Variants in CAND2 observed in about 807,000 individuals in gnomAD.
CAND2 encodes cullin associated and neddylation dissociated 2 (putative).
A neutral mutation model predicts 98.9 loss-of-function variants in CAND2; 62 were observed. That is an observed-to-expected ratio of 0.63 (90% CI 0.51 to 0.77). The LOEUF is 0.77. Among genes scored for constraint, CAND2 ranks in the 30% least tolerant of loss-of-function variants. The probability of loss-of-function intolerance (pLI) is 0.00; values close to 1 mark genes in which losing one functional copy is unlikely to be tolerated. For synonymous variants in CAND2, 770 were observed against 731.9 expected (o/e 1.05, Z -0.84); for missense variants, 1,501 against 1,655.2 (o/e 0.91, Z 1.62).
intron 14 of CAND2, 48 bp downstream of exon 14, chr3:12,831,620 G>C: frequency 1.6e-6 from 2 of 1,288,924 alleles, no homozygotes; most frequent in Non-Finnish European, 2.2e-6. Flanking sequence ...CACCTATGGA[G>C]TCCTCGGCCA....
rs759048156 is a variant in CAND2, at chr3:12,817,069, C to T, written c.2137C>T (p.Leu713=). 1 of 1,612,978 alleles carries T rather than the reference C, an allele frequency of 6.2e-7. No homozygotes were observed. The highest frequency in any genetic ancestry group is 2.2e-5 in the East Asian group (1 of 44,872). Residue 713 remains leucine, a synonymous_variant, in exon 10 of 15, where the codon CTG becomes TTG. Coordinates refer to ENST00000456430, the MANE Select transcript of CAND2 (RefSeq NM_001162499.2). ...CGAGAGCGACATGCATGTGGCCCAG[C>T]TGGCTGTGGACTTCCTTGCCACAGT... The part of the protein sequence containing the change: ...VNESDMHVAQ[L]AVDFLATVTQ...
At position 12,815,322 on chromosome 3, in the gene CAND2, C is replaced by G. The variant is rs753034201; in HGVS notation, c.1188C>G (p.Val396=). ...GCGAGGAGAACGTCAAGGCTGACGT[C>G]TTCACTGCTTACATCGTGCTGCTGC... ...KEREENVKAD[V]FTAYIVLLRQ... is the part of the protein sequence containing the mutation. The change falls in exon 8 of 15, where the codon GTC becomes GTG. Residue 396 remains valine (V), a synonymous_variant. Transcript: ENST00000456430. The surrounding 1 kb of genome is among the most constrained non-coding windows in gnomAD (Gnocchi z 5.7). 1 of 1,614,014 alleles carries G rather than the reference C, an allele frequency of 6.2e-7. No individual in the cohort carries two copies. The highest frequency in any genetic ancestry group is 1.1e-5 in the South Asian group (1 of 91,090).
intron 5 of CAND2, among the ~76,000 whole-genome samples, chr3:12,810,734 A>G (rs1430576190): frequency 6.6e-6 from 1 of 152,238 alleles, no homozygotes. Flanking sequence ...CAGTTTGACA[A>G]AGATATCTTA....
chr3:12,812,940 A>G (rs376875751), intron 5 of CAND2, 50 bp from the exon 6 acceptor site: 75 of 1,182,100 alleles, frequency 6.3e-5, no homozygotes, highest in Non-Finnish European at 8.2e-5. Context: ...GGCTGGGGGA[A>G]CTCCGGGAGA....
chr3:12,831,674 ATGT>A (rs1367097527), intron 14 of CAND2, 102 bp downstream of exon 14: 28 of 677,998 alleles, frequency 4.1e-5, no homozygotes, highest in African/African-American at 1.5e-4. Flanking sequence ...AGTGCAGGTG[ATGT>A]TGTGAAAGTG....
chr3:12,816,368 C>A lies in CAND2; in HGVS notation c.1442-6C>A. The A allele has an allele frequency of 6.2e-7, 1 of 1,605,136 alleles. No homozygotes were observed. Among genetic ancestry groups the A allele is most frequent in the South Asian group, 1.1e-5 (1 of 89,016 alleles). On this transcript the variant is annotated splice_polypyrimidine_tract_variant and splice_region_variant and intron_variant, in intron 9 of 14. Coordinates refer to ENST00000456430, the MANE Select transcript of CAND2 (RefSeq NM_001162499.2). The stretch of plus-strand genomic sequence containing the variant: ...TGGCCTCATAACCTTTGCATTCACC[C>A]TGCAGGCATCATCTTCTCGCTGGCC...
At chr3:12,806,406 A>C (rs1404373557) in intron 2 of CAND2, among the ~76,000 whole-genome samples, 1 of 152,176 alleles carries the variant, frequency 6.6e-6, no homozygotes, top group Admixed American at 6.5e-5. Context: ...GATTCAGGGG[A>C]TGGAGCAGGA....
chr3:12,815,687 T>G lies in CAND2; in HGVS notation c.1300-180T>G, dbSNP rs1412515691. 2.0e-5 allele frequency among the ~76,000 whole-genome samples: 3 copies of G among 152,082 alleles called. No individual in the cohort carries two copies. In the East Asian group the frequency reaches 5.8e-4, roughly 29 times the overall value. On this transcript the variant is annotated intron_variant, in intron 8 of 14. Transcript: ENST00000456430. This position sits in a 1 kb window ranked among gnomAD's most constrained non-coding sequence, Gnocchi z 5.7. ...AAATGGACGCAGAAAATTTGCCTACTCTCCAAGGGTCTGTGTGCGGTCACC... is the reference window on the plus strand; with the variant it reads ...AAATGGACGCAGAAAATTTGCCTACGCTCCAAGGGTCTGTGTGCGGTCACC...
In CAND2 at chr3:12,815,461, C is replaced by A; in HGVS notation, c.1299+28C>A. 6.3e-7 allele frequency: 1 copy of A among 1,583,818 alleles called. No homozygotes were observed. The highest frequency in any genetic ancestry group is 8.6e-7 in the Non-Finnish European group (1 of 1,160,764). ...GGGCGTGCCTTCACCTCCACCCCTACCCCCGATTTGCCTACCCAGCCACTC... is the reference window on the plus strand; with the variant it reads ...GGGCGTGCCTTCACCTCCACCCCTAACCCCGATTTGCCTACCCAGCCACTC... On this transcript the variant is annotated intron_variant, in intron 8 of 14. Transcript: ENST00000456430. The surrounding 1 kb of genome is among the most constrained non-coding windows in gnomAD (Gnocchi z 5.7).
intron 1 of CAND2, among the ~76,000 whole-genome samples, chr3:12,800,372 G>T (rs1390009584): frequency 2.6e-5 from 4 of 152,240 alleles, no homozygotes. Context: ...GATAGATTTT[G>T]CCACAGGAGG....
intron 13 of CAND2, among the ~76,000 whole-genome samples, chr3:12,830,317 C>T (rs573258393): frequency 9.2e-5 from 14 of 152,276 alleles, no homozygotes; most frequent in African/African-American, 2.6e-4. Context: ...AATGATGGGG[C>T]GCACAAAGCT....
At chr3:12,833,219 G>A (rs1297977975) in intron 14 of CAND2, among the ~76,000 whole-genome samples, 1 of 152,208 alleles carries the variant, frequency 6.6e-6, no homozygotes, top group Admixed American at 6.5e-5. Context: ...CTAGGTAGGA[G>A]ATGGTGGGGG....
In CAND2 at chr3:12,803,701, T is replaced by A. The variant is rs2061784023; in HGVS notation, c.212+70T>A. 4 of 1,444,888 alleles carry A rather than the reference T, an allele frequency of 2.8e-6. No homozygotes were observed. The South Asian group carries it at 5.6e-5, about 20-fold the overall frequency. The allele number at this position is 1,444,888 out of a possible 1,614,324, so 89.5% of individuals were successfully genotyped here. The stretch of plus-strand genomic sequence containing the variant: ...TGTGGGAGCATCCTGGGGACCGCTG[T>A]CCCTTTGGGGTACAGCCTCGCAGAG... On this transcript the variant is annotated intron_variant, in intron 2 of 14. Transcript: ENST00000456430.
At chr3:12,826,803 GTCA>G (rs61503714) in intron 12 of CAND2, among the ~76,000 whole-genome samples, 118,644 of 148,682 alleles carry the variant, frequency 0.8, 48,157 homozygotes, top group African/African-American at 0.95. Flanking sequence ...TTCCTCATCT[GTCA>G]TTAAATGGGA....
intron 2 of CAND2, among the ~76,000 whole-genome samples, chr3:12,804,057 G>A (rs2061787634): frequency 6.6e-6 from 1 of 152,106 alleles, no homozygotes; most frequent in African/African-American, 2.4e-5. Flanking sequence ...GGCTGCTTCT[G>A]GGGTAGGATG....
In CAND2 at chr3:12,796,695, G is replaced by A. The variant is rs762973365; in HGVS notation, c.-26G>A. On this transcript the variant is annotated 5_prime_UTR_variant, in exon 1 of 15. Transcript: ENST00000456430. The stretch of plus-strand genomic sequence containing the variant: ...CCGCGCCGCCATATTCCCTCCCGCC[G>A]GCCGGCTCCGCGGCGCGCAGCCACC... The A allele has an allele frequency of 1.6e-5, 25 of 1,562,046 alleles. No homozygotes were observed. In the African/African-American group the frequency reaches 2.4e-4, roughly 15 times the overall value.
Position 12,816,724 on chromosome 3 carries a change from C to T in CAND2, c.1792C>T (p.Leu598Phe). Reference sequence around the variant, plus strand: ...GCGGGCCATTTCCTGCATGGGCCACCTTGTAGGCCACCTGGGTGACCGGCT... The same window carrying T: ...GCGGGCCATTTCCTGCATGGGCCACTTTGTAGGCCACCTGGGTGACCGGCT... ...KERAISCMGH[L>F]VGHLGDRLGD... Residue 598 changes from leucine to phenylalanine, a missense_variant, in exon 10 of 15, where the codon CTT becomes TTT. Leu to Phe is a conservative substitution (Grantham distance 22, BLOSUM62 0). Transcript: ENST00000456430. The T allele has an allele frequency of 6.2e-7, 1 of 1,613,698 alleles. No individual in the cohort carries two copies.
At position 12,815,066 on chromosome 3, in the gene CAND2, C is replaced by T. The variant is rs2061885379; in HGVS notation, c.1007-75C>T. ...GCACAGTGCCCAGCTCTCTCTCCTC[C>T]CTGTCCCTTCTCCCCCGAGCCACAG... On this transcript the variant is annotated intron_variant, in intron 7 of 14. Transcript: ENST00000456430. This position sits in a 1 kb window ranked among gnomAD's most constrained non-coding sequence, Gnocchi z 5.7. The T allele has an allele frequency of 6.8e-7, 1 of 1,463,232 alleles. No homozygotes were observed. Among genetic ancestry groups the T allele is most frequent in the African/African-American group, 1.4e-5 (1 of 71,740 alleles). 90.6% of individuals were successfully genotyped at this position (1,463,232 alleles called of 1,614,324 possible). A position where few individuals can be genotyped will look rare whatever the true frequency, so the allele number is the denominator to read the frequency against.
chr3:12,808,225 C>G lies in CAND2; in HGVS notation c.383C>G (p.Thr128Ser). The G allele has an allele frequency of 6.4e-7, 1 of 1,551,192 alleles. No individual in the cohort carries two copies. The highest frequency in any genetic ancestry group is 2.4e-5 in the East Asian group (1 of 40,908). ...PPAATGSGLATNVCRKITGQL... is the reference protein window; with the variant it reads ...PPAATGSGLASNVCRKITGQL... ...CCCTGTGCAGGCTCCGGGCTGGCCACCAACGTGTGCCGGAAGATCACAGGC... is the reference window on the plus strand; with the variant it reads ...CCCTGTGCAGGCTCCGGGCTGGCCAGCAACGTGTGCCGGAAGATCACAGGC... The change falls in exon 4 of 15, where the codon ACC becomes AGC. Residue 128 changes from threonine to serine, a missense_variant. Physicochemically the swap from Thr to Ser is moderately conservative, Grantham distance 58. Coordinates refer to ENST00000456430, the MANE Select transcript of CAND2 (RefSeq NM_001162499.2).
Sources: allele counts gnomAD v4.1 joint callset (sites outside exome capture counted in the v4.1 genomes callset), GRCh38; gene constraint gnomAD v4.1.1; non-coding constraint Gnocchi (gnomAD v3.1); transcripts MANE v1.5; gene names NCBI Gene and HGNC (gene_info 2026-07-23, HGNC 2026-07-21).